Variants in TOPBP1 observed in about 807,000 individuals in gnomAD.
The protein encoded by TOPBP1 is DNA topoisomerase II binding protein 1.
Under a neutral mutation model 167.7 loss-of-function variants are expected in TOPBP1, and 28 were observed. The observed-to-expected ratio is 0.17, with a 90% confidence interval of 0.12 to 0.23. The LOEUF is 0.23. Ranked by LOEUF, TOPBP1 falls within the 10% of genes least tolerant of loss-of-function variation. TOPBP1 has a pLI of 1.00. For missense variants in TOPBP1, 1,554 were observed against 1,809.6 expected, an observed-to-expected ratio of 0.86 and a Z score of 2.56; for synonymous variants, 598 against 611.4, an observed-to-expected ratio of 0.98 and a Z score of 0.32.
chr3:133,620,698 C>A (rs1333416686), intron 19 of TOPBP1, among the ~76,000 whole-genome samples: 1 of 151,726 alleles, frequency 6.6e-6, no homozygotes, highest in Non-Finnish European at 1.5e-5. Context: ...CTCAGCCTCT[C>A]AAGTAGCTGG....
intron 13 of TOPBP1, among the ~76,000 whole-genome samples, chr3:133,638,444 A>G (rs1201700285): frequency 1.3e-5 from 2 of 152,224 alleles, no homozygotes; most frequent in Non-Finnish European, 2.9e-5. Context: ...AAAAAATAAT[A>G]ATAGATTTCC....
At chr3:133,605,194 G>A (rs1934448220) in intron 27 of TOPBP1, among the ~76,000 whole-genome samples, 1 of 147,034 alleles carries the variant, frequency 6.8e-6, no homozygotes, top group African/African-American at 2.5e-5. Context: ...GCCAGACCGT[G>A]TCTCAAAAAA....
In TOPBP1 at chr3:133,617,287, G is replaced by C. The variant is rs774711518; in HGVS notation, c.3632C>G (p.Pro1211Arg). 6 of 1,613,204 alleles carry C rather than the reference G, an allele frequency of 3.7e-6. No individual in the cohort carries two copies. In the East Asian group the frequency reaches 1.1e-4, roughly 30 times the overall value. Reference sequence around the variant, plus strand: ...CAGTTCTTCAGAGATTGGGTGTTTGGGAGCTTCAGTCACACGTATGTTTCC... The same window carrying C: ...CAGTTCTTCAGAGATTGGGTGTTTGCGAGCTTCAGTCACACGTATGTTTCC... ...DPGNIRVTEAPKHPISEELET... is the reference protein window; with the variant it reads ...DPGNIRVTEARKHPISEELET... Residue 1211 changes from proline to arginine, a missense_variant, in exon 22 of 28, where the codon CCC becomes CGC. Coordinates refer to ENST00000260810, the MANE Select transcript of TOPBP1 (RefSeq NM_007027.4).
In TOPBP1 at chr3:133,643,899, C is replaced by A. The variant is rs1448316240; in HGVS notation, c.1848+121G>T. On this transcript the variant is annotated intron_variant, in intron 11 of 27. Coordinates refer to ENST00000260810, the MANE Select transcript of TOPBP1 (RefSeq NM_007027.4). ...GAATTTCCCTTGCTAAAAGCAAAATCAAGAGTGTTCAAGTCCAAGCATTGA... is the reference window on the plus strand; with the variant it reads ...GAATTTCCCTTGCTAAAAGCAAAATAAAGAGTGTTCAAGTCCAAGCATTGA... The A allele has an allele frequency of 8.5e-6, 9 of 1,063,204 alleles. No individual in the cohort carries two copies. In the Admixed American group the frequency reaches 2.9e-4, roughly 34 times the overall value. 65.9% of individuals were successfully genotyped at this position (1,063,204 alleles called of 1,614,324 possible). A position where few individuals can be genotyped will look rare whatever the true frequency, so the allele number is the denominator to read the frequency against.
At chr3:133,635,550 C>T (rs1004744171) in intron 14 of TOPBP1, among the ~76,000 whole-genome samples, 5 of 152,192 alleles carry the variant, frequency 3.3e-5, no homozygotes, top group African/African-American at 9.7e-5. Context: ...GCCACCACGC[C>T]CAGCCCCTTG....
intron 23 of TOPBP1, among the ~76,000 whole-genome samples, chr3:133,616,042 T>C (rs1934860735): frequency 6.6e-6 from 1 of 152,088 alleles, no homozygotes; most frequent in Non-Finnish European, 1.5e-5. Context: ...TGATGTCAGG[T>C]GGAGAGCCTG....
intron 7 of TOPBP1, 38 bp downstream of exon 7, chr3:133,653,307 G>C (rs745643181): frequency 3.2e-5 from 48 of 1,499,234 alleles, no homozygotes; most frequent in Middle Eastern, 1.8e-4. Context: ...AAATATGACT[G>C]TCTTCAGAAT....
At chr3:133,644,533 A>C (rs904389847) in intron 10 of TOPBP1, among the ~76,000 whole-genome samples, 170 bp from the exon 11 acceptor site, 10 of 152,370 alleles carry the variant, frequency 6.6e-5, no homozygotes, top group East Asian at 3.9e-4. Flanking sequence ...CGGGGTTACC[A>C]AGAGTCCTTA....
intron 23 of TOPBP1, among the ~76,000 whole-genome samples, 189 bp downstream of exon 23, chr3:133,616,625 T>C (rs537757627): frequency 3.2e-4 from 49 of 152,368 alleles, no homozygotes; most frequent in Middle Eastern, 3.4e-3. Context: ...TTAAATCCCA[T>C]GATCTACTGA....
intron 20 of TOPBP1, among the ~76,000 whole-genome samples, chr3:133,619,234 C>T (rs1935005558): frequency 6.6e-6 from 1 of 151,946 alleles, no homozygotes. Flanking sequence ...CTTTTATTCT[C>T]ACACTATATT....
At chr3:133,637,475 A>G (rs1935716875) in intron 14 of TOPBP1, among the ~76,000 whole-genome samples, 1 of 152,240 alleles carries the variant, frequency 6.6e-6, no homozygotes, top group Non-Finnish European at 1.5e-5. Flanking sequence ...TCTGAGAACC[A>G]ATATATAAAG....
chr3:133,657,266 C>G (rs1936507516), intron 4 of TOPBP1, among the ~76,000 whole-genome samples: 1 of 151,610 alleles, frequency 6.6e-6, no homozygotes, highest in Admixed American at 6.6e-5. Flanking sequence ...ATTACTTGAG[C>G]CCAGGAAATC....
chr3:133,654,228 T>C (rs1449964290), intron 6 of TOPBP1, among the ~76,000 whole-genome samples: 1 of 152,246 alleles, frequency 6.6e-6, no homozygotes, highest in Non-Finnish European at 1.5e-5. Flanking sequence ...AAATTTGTGC[T>C]ATATAATAAA....
rs1409408200 is a variant in TOPBP1, at chr3:133,644,437, C to T, written c.1505-74G>A. On this transcript the variant is annotated intron_variant, in intron 10 of 27. Coordinates refer to ENST00000260810, the MANE Select transcript of TOPBP1 (RefSeq NM_007027.4). The stretch of plus-strand genomic sequence containing the variant: ...GTTTACTTCCTAGCAAGGATATTAA[C>T]GTAACATGGAATCTGATAATTTTGA... The T allele has an allele frequency of 8.5e-6, 11 of 1,294,422 alleles. No homozygotes were observed. In the South Asian group the frequency reaches 1.3e-4, roughly 15 times the overall value. 80.2% of individuals were successfully genotyped at this position (1,294,422 alleles called of 1,614,324 possible). A position where few individuals can be genotyped will look rare whatever the true frequency, so the allele number is the denominator to read the frequency against.
At chr3:133,642,583 T>G (rs942427503) in intron 12 of TOPBP1, among the ~76,000 whole-genome samples, 2 of 152,178 alleles carry the variant, frequency 1.3e-5, no homozygotes, top group Non-Finnish European at 2.9e-5. Flanking sequence ...AGATTGAGGT[T>G]TGATTATTTT....
At chr3:133,606,374 A>G (rs1934492707) in intron 27 of TOPBP1, among the ~76,000 whole-genome samples, 2 of 152,146 alleles carry the variant, frequency 1.3e-5, no homozygotes, top group South Asian at 4.1e-4. Flanking sequence ...GAGAAATTAA[A>G]GAAGACCTAA....
intron 10 of TOPBP1, among the ~76,000 whole-genome samples, chr3:133,645,038 G>A (rs1167987543): frequency 6.6e-6 from 1 of 152,132 alleles, no homozygotes; most frequent in Non-Finnish European, 1.5e-5. Flanking sequence ...CTTGCCTAAG[G>A]TCACACAGTT....
At chr3:133,607,167 C>T (rs890552632) in intron 27 of TOPBP1, among the ~76,000 whole-genome samples, 2 of 152,096 alleles carry the variant, frequency 1.3e-5, no homozygotes, top group East Asian at 1.9e-4. Flanking sequence ...TGCTTAGAAT[C>T]AGAAGTATTT....
intron 27 of TOPBP1, among the ~76,000 whole-genome samples, chr3:133,608,297 A>G (rs1036009409): frequency 4.6e-5 from 7 of 152,180 alleles, no homozygotes; most frequent in African/African-American, 1.7e-4. Flanking sequence ...AAGCCTTTAG[A>G]GGTACCTAGA....
Sources: gnomAD v4.1 joint callset for allele counts (sites outside exome capture counted in the v4.1 genomes callset) on GRCh38, gnomAD v4.1.1 for gene constraint, MANE v1.5 for transcripts, NCBI Gene and HGNC (gene_info 2026-07-23, HGNC 2026-07-21) for gene names.